Variants in CNTN1 observed in about 807,000 individuals in gnomAD.
CNTN1 encodes the protein contactin 1.
In CNTN1, 38 loss-of-function variants were observed where a neutral mutation model predicts 126.4. The ratio of observed to expected loss-of-function variants is 0.30; its 90% confidence interval spans 0.23 to 0.39. CNTN1 has a LOEUF of 0.39. Ranked by LOEUF, CNTN1 falls within the 10% of genes least tolerant of loss-of-function variation. The probability of loss-of-function intolerance (pLI) is 1.00; values close to 1 mark genes in which losing one functional copy is unlikely to be tolerated. For missense variants in CNTN1, 1,009 were observed against 1,248.4 expected, an observed-to-expected ratio of 0.81 and a Z score of 2.89; for synonymous variants, 413 against 422.6, an observed-to-expected ratio of 0.98 and a Z score of 0.28.
intron 1 of CNTN1, among the ~76,000 whole-genome samples, chr12:40,907,182 A>C (rs1169936999): frequency 6.6e-6 from 1 of 152,182 alleles, no homozygotes; most frequent in Admixed American, 6.5e-5. Context: ...GAAGTCACCA[A>C]ATGACTCAAA....
At chr12:40,761,235 C>G (rs947452238) in intron 1 of CNTN1, among the ~76,000 whole-genome samples, 1 of 151,942 alleles carries the variant, frequency 6.6e-6, no homozygotes, top group Non-Finnish European at 1.5e-5. Context: ...TCATCTATAC[C>G]AATTTTTAGA....
At chr12:40,787,351 T>G (rs190886457) in intron 1 of CNTN1, among the ~76,000 whole-genome samples, 153 of 152,122 alleles carry the variant, frequency 1.0e-3, no homozygotes, top group Admixed American at 1.6e-3. Flanking sequence ...GCTTAGCACT[T>G]TTGGGCACAC....
chr12:40,908,794 T>A (rs1456916040), intron 2 of CNTN1, among the ~76,000 whole-genome samples: 1 of 152,048 alleles, frequency 6.6e-6, no homozygotes, highest in African/African-American at 2.4e-5. Flanking sequence ...CCATGGCCAG[T>A]TTCAACCTGA....
At chr12:40,848,174 T>A (rs1210513758) in intron 1 of CNTN1, among the ~76,000 whole-genome samples, 2 of 152,230 alleles carry the variant, frequency 1.3e-5, no homozygotes, top group Admixed American at 6.5e-5. Flanking sequence ...GTCAGCTTTA[T>A]GCCTTGACAG....
In CNTN1 at chr12:40,929,798, G is replaced by T. The variant is rs1285012875; in HGVS notation, c.499G>T (p.Asp167Tyr). ...LCDPPYHFPD[D>Y]LSYRWLLNEF... ...TAGAAGGCAATATTTTCTCCTAGAT[G>T]ATCTTAGCTATCGCTGGCTTCTAAA... The change falls in exon 7 of 24, where the codon GAT (aspartate) becomes TAT (tyrosine). Residue 167 changes from aspartate to tyrosine, a missense_variant and splice_region_variant. Coordinates refer to ENST00000551295, the MANE Select transcript of CNTN1 (RefSeq NM_001843.4). 1.2e-6 allele frequency: 2 copies of T among 1,610,054 alleles called. No individual in the cohort carries two copies. The highest frequency in any genetic ancestry group is 1.7e-6 in the Non-Finnish European group (2 of 1,177,236).
At chr12:40,927,654 A>G (rs1392021843) in intron 6 of CNTN1, among the ~76,000 whole-genome samples, 1 of 152,142 alleles carries the variant, frequency 6.6e-6, no homozygotes. Flanking sequence ...AAGATTTGTT[A>G]AATAAATTTA....
At chr12:41,041,127 G>C in intron 23 of CNTN1, among the ~76,000 whole-genome samples, 1 of 151,512 alleles carries the variant, frequency 6.6e-6, no homozygotes, top group South Asian at 2.1e-4. Context: ...AGCATGAAGG[G>C]TTGTTGAATT....
intron 17 of CNTN1, among the ~76,000 whole-genome samples, chr12:40,999,848 G>A (rs778741191): frequency 2.0e-5 from 3 of 151,822 alleles, no homozygotes; most frequent in East Asian, 3.9e-4. Flanking sequence ...GACTACAGGC[G>A]CTCACCACCA....
At chr12:40,874,316 C>G (rs1209018628) in intron 1 of CNTN1, among the ~76,000 whole-genome samples, 2 of 151,872 alleles carry the variant, frequency 1.3e-5, no homozygotes, top group African/African-American at 4.8e-5. Context: ...TTAGGAAATA[C>G]TTCAGATATA....
chr12:40,997,062 A>C (rs918552773), intron 17 of CNTN1, among the ~76,000 whole-genome samples: 1 of 152,228 alleles, frequency 6.6e-6, no homozygotes, highest in Non-Finnish European at 1.5e-5. Context: ...CTCAGCGCAC[A>C]CTTGGGTGCA....
intron 23 of CNTN1, among the ~76,000 whole-genome samples, chr12:41,068,103 G>A (rs1950086442): frequency 6.6e-6 from 1 of 152,148 alleles, no homozygotes; most frequent in East Asian, 1.9e-4. Context: ...CAAGAACACG[G>A]CAGAGAGGTC....
At chr12:40,854,512 G>C (rs1942828339) in intron 1 of CNTN1, among the ~76,000 whole-genome samples, 1 of 152,000 alleles carries the variant, frequency 6.6e-6, no homozygotes, top group Non-Finnish European at 1.5e-5. Flanking sequence ...TCAAGACTCT[G>C]TGTCTCTAAA....
intron 7 of CNTN1, among the ~76,000 whole-genome samples, chr12:40,930,734 C>T (rs897620671): frequency 4.6e-5 from 7 of 151,972 alleles, no homozygotes; most frequent in Non-Finnish European, 1.0e-4. Flanking sequence ...AGGTTTGGCT[C>T]CTGCCTTTAC....
intron 17 of CNTN1, among the ~76,000 whole-genome samples, chr12:41,010,864 TG>T (rs1387471881): frequency 2.1e-4 from 30 of 145,678 alleles, no homozygotes; most frequent in African/African-American, 7.9e-4. Flanking sequence ...AACTAGGGTT[TG>T]TTTTTTTTTT....
At position 40,846,300 on chromosome 12, in the gene CNTN1, C is replaced by G. The variant is rs535702663; in HGVS notation, c.-76-62057C>G. ...TGCCTAACACGGTGAAACCCCGTCT[C>G]TACTAAAAATACAAAAAATTAGCAG... On this transcript the variant is annotated intron_variant, in intron 1 of 23. Transcript: ENST00000551295. Among the ~76,000 whole-genome samples the G allele has an allele frequency of 1.4e-4, 21 of 152,198 alleles. No individual in the cohort carries two copies. In the South Asian group the frequency reaches 4.4e-3, roughly 32 times the overall value.
At chr12:40,863,620 G>T (rs1943187582) in intron 1 of CNTN1, among the ~76,000 whole-genome samples, 1 of 152,118 alleles carries the variant, frequency 6.6e-6, no homozygotes, top group Non-Finnish European at 1.5e-5. Context: ...GAGGTGAGCA[G>T]CAGATGTGCA....
chr12:40,711,201 C>T (rs986877409), intron 1 of CNTN1, among the ~76,000 whole-genome samples: 1 of 152,100 alleles, frequency 6.6e-6, no homozygotes, highest in African/African-American at 2.4e-5. Context: ...GTTTCTACTC[C>T]AGAAATTTCA....
chr12:40,887,770 T>A (rs1447805785), intron 1 of CNTN1, among the ~76,000 whole-genome samples: 1 of 151,884 alleles, frequency 6.6e-6, no homozygotes, highest in Non-Finnish European at 1.5e-5. Context: ...AACCCAAATG[T>A]CCAACAACGA....
Position 40,716,383 on chromosome 12 carries a change from T to C in CNTN1, c.-77+23791T>C, listed in dbSNP as rs75779055. Reference sequence around the variant, plus strand: ...CCTCCTCCCTTTTCTTCTTTCTTCTTCCTCTTTTTTCTCCTCCTTCTCCTT... The same window carrying C: ...CCTCCTCCCTTTTCTTCTTTCTTCTCCCTCTTTTTTCTCCTCCTTCTCCTT... On this transcript the variant is annotated intron_variant, in intron 1 of 23. Transcript: ENST00000551295. Among the ~76,000 whole-genome samples the C allele has an allele frequency of 5.9e-3, 890 of 151,790 alleles. 1 individual carries two copies. Among genetic ancestry groups the C allele is most frequent in the Non-Finnish European group, 8.5e-3 (577 of 67,926 alleles).
Sources: gnomAD v4.1 joint callset for allele counts (sites outside exome capture counted in the v4.1 genomes callset) on GRCh38, gnomAD v4.1.1 for gene constraint, MANE v1.5 for transcripts, NCBI Gene and HGNC (gene_info 2026-07-23, HGNC 2026-07-21) for gene names.